The following EFS variants were observed in gnomAD, a reference collection of about 807,000 sequenced individuals.
The protein encoded by EFS is Cas scaffolding protein family member 3.
EFS carries 34 observed loss-of-function variants against 42.2 expected under a neutral mutation model. The ratio of observed to expected loss-of-function variants is 0.81; its 90% confidence interval spans 0.61 to 1.07. The LOEUF (loss-of-function observed/expected upper bound fraction) is 1.07, where lower values mean the gene tolerates loss of function less well. Ranked by LOEUF, EFS falls within the 50% of genes least tolerant of loss-of-function variation. The pLI is 0.00. For missense variants in EFS, 717 were observed against 729.4 expected, an observed-to-expected ratio of 0.98 and a Z score of 0.20; for synonymous variants, 299 against 320.7, an observed-to-expected ratio of 0.93 and a Z score of 0.72.
In EFS at chr14:23,360,211, G is replaced by A. The variant is rs760920243; in HGVS notation, c.368C>T (p.Ser123Phe). 6.2e-7 allele frequency: 1 copy of A among 1,614,192 alleles called. No individual in the cohort carries two copies. Among genetic ancestry groups the A allele is most frequent in the Admixed American group, 1.7e-5 (1 of 60,016 alleles). ...GGGGATTTTGTAGATGAGGTCAGGA[G>A]AGGGTGGGCAAGGTCCAGCTGGAGG... ...SGPPAGPCPP[S>F]PDLIYKIPRA... is the part of the protein sequence containing the mutation. Residue 123 changes from serine (S) to phenylalanine (F), a missense_variant, in exon 3 of 6, where the codon TCT (serine) becomes TTT (phenylalanine). Physicochemically the swap from Ser to Phe is radical, Grantham distance 155. Coordinates refer to ENST00000216733, the MANE Select transcript of EFS (RefSeq NM_005864.4).
Position 23,360,009 on chromosome 14 carries a change from C to T in EFS, c.469G>A (p.Val157Met), listed in dbSNP as rs770233097. The change falls in exon 4 of 6, where the codon GTG becomes ATG. Residue 157 changes from valine (V) to methionine (M), a missense_variant. Coordinates refer to ENST00000216733, the MANE Select transcript of EFS (RefSeq NM_005864.4). ...VYDVPPTALR[V>M]PSSGPYDCPA... ...CAGTCATAGGGGCCACTGGAGGGCA[C>T]CCGGAGGGCGGTGGGGGGCACATCG... 1.2e-6 allele frequency: 2 copies of T among 1,605,744 alleles called. No homozygotes were observed. The highest frequency in any genetic ancestry group is 8.5e-7 in the Non-Finnish European group (1 of 1,176,582).
At chr14:23,359,263 CTCCCCTTGG>C in intron 4 of EFS, 45 bp downstream of exon 4, 1 of 1,610,338 alleles carries the variant, frequency 6.2e-7, no homozygotes, top group Non-Finnish European at 8.5e-7. Flanking sequence ...CTCCACACCC[CTCCCCTTGG>C]TCCCTCTGGG....
rs1327695852 is a variant in EFS at position 23,360,819 on chromosome 14, C to T, written c.33G>A (p.Arg11=). The T allele has an allele frequency of 8.1e-6, 13 of 1,610,366 alleles. No homozygotes were observed. Among genetic ancestry groups the T allele is most frequent in the Non-Finnish European group, 1.0e-5 (12 of 1,178,256 alleles). Residue 11 remains arginine (R), a synonymous_variant, in exon 2 of 6, where the codon CGG becomes CGA. Transcript: ENST00000216733. MAIATSTQLA[R]ALYDNTAESP... The stretch of plus-strand genomic sequence containing the variant: ...ACTCAGCGGTGTTGTCATACAGTGC[C>T]CGGGCCAGCTGGGTCTGGTTGGGGA...
chr14:23,357,819 T>G (rs1889979598), intron 5 of EFS, among the ~76,000 whole-genome samples, 159 bp from the exon 6 acceptor site: 1 of 152,220 alleles, frequency 6.6e-6, no homozygotes, highest in Non-Finnish European at 1.5e-5. Flanking sequence ...AGCAGTGAAG[T>G]GCCCACACTT....
chr14:23,358,750 G>A (rs911453345), intron 5 of EFS, 126 bp downstream of exon 5: 2 of 819,596 alleles, frequency 2.4e-6, no homozygotes, highest in Non-Finnish European at 1.8e-6. Flanking sequence ...CTCTGTCCCT[G>A]GTTCCTGTGA....
chr14:23,358,818 A>G (rs906369437), intron 5 of EFS, 58 bp downstream of exon 5: 31 of 1,476,840 alleles, frequency 2.1e-5, no homozygotes, highest in Non-Finnish European at 2.8e-5. Context: ...TTCTTCTCCC[A>G]AGTCCCCATT....
chr14:23,356,508 T>A lies in EFS; in HGVS notation c.*718A>T. Reference sequence around the variant, plus strand: ...TTGCAGAACTGTGCCTGGCGCGTCATGGGAGCAGAGAACTTGTCCAGTGAA... The same window carrying A: ...TTGCAGAACTGTGCCTGGCGCGTCAAGGGAGCAGAGAACTTGTCCAGTGAA... On this transcript the variant is annotated 3_prime_UTR_variant, in exon 6 of 6. Transcript: ENST00000216733. 6.6e-6 allele frequency: 1 copy of A among 152,228 alleles called. No homozygotes were observed. Among genetic ancestry groups the A allele is most frequent in the Non-Finnish European group, 1.5e-5 (1 of 68,050 alleles). The allele number at this position is 152,228 out of a possible 1,614,324, so 9.4% of individuals were successfully genotyped here.
Position 23,360,288 on chromosome 14 carries a change from G to T in EFS, c.298-7C>A, listed in dbSNP as rs201955372. ...GGGGCGGCACCACATACACCTGAGG[G>T]ATCAAATAGATGGGGGGTCAGGAGG... On this transcript the variant is annotated splice_polypyrimidine_tract_variant and splice_region_variant and intron_variant, in intron 2 of 5. Coordinates refer to ENST00000216733, the MANE Select transcript of EFS (RefSeq NM_005864.4). 2.4e-5 allele frequency: 38 copies of T among 1,603,860 alleles called. No individual in the cohort carries two copies. In the East Asian group the frequency reaches 7.6e-4, roughly 32 times the overall value.
At chr14:23,360,994 C>T (rs1382632097) in intron 1 of EFS, among the ~76,000 whole-genome samples, 161 bp from the exon 2 acceptor site, 1 of 152,242 alleles carries the variant, frequency 6.6e-6, no homozygotes, top group Non-Finnish European at 1.5e-5. Flanking sequence ...TCCAGCTTCA[C>T]CGCTTGCATT....
chr14:23,362,817 C>A (rs1313110499), intron 1 of EFS, among the ~76,000 whole-genome samples: 1 of 152,140 alleles, frequency 6.6e-6, no homozygotes. Flanking sequence ...ACAATCATAA[C>A]TCACTGTAAC....
In EFS at chr14:23,357,237, G is replaced by A. The variant is rs763890715; in HGVS notation, c.1675C>T (p.Leu559=). ...ALQFTTLLTS[L]AP The stretch of plus-strand genomic sequence containing the variant: ...GTGCCAAAGGACCTTCATGGAGCCA[G>A]GCTAGTGAGCAGGGTAGTGAATTGC... Residue 559 remains leucine (L), a synonymous_variant, in exon 6 of 6, where the codon CTG becomes TTG. Transcript: ENST00000216733. 164 of 1,550,098 alleles carry A rather than the reference G, an allele frequency of 1.1e-4. 2 individuals are homozygous for A. The Admixed American group carries it at 2.9e-3, about 28-fold the overall frequency.
At chr14:23,360,974 C>T (rs1305149206) in intron 1 of EFS, 141 bp from the exon 2 acceptor site, 22 of 858,304 alleles carry the variant, frequency 2.6e-5, no homozygotes, top group South Asian at 2.2e-4. Context: ...TGCCTGGGCC[C>T]TAGCTTCTCT....
chr14:23,365,070 T>C lies in EFS; in HGVS notation c.-45A>G. 1 of 1,281,870 alleles carries C rather than the reference T, an allele frequency of 7.8e-7. No individual in the cohort carries two copies. The highest frequency in any genetic ancestry group is 1.5e-5 in the African/African-American group (1 of 65,666). 79.4% of individuals were successfully genotyped at this position (1,281,870 alleles called of 1,614,324 possible). On this transcript the variant is annotated 5_prime_UTR_variant, in exon 1 of 6. Transcript: ENST00000216733. This position sits in a 1 kb window ranked among gnomAD's most constrained non-coding sequence, Gnocchi z 5.3. Reference sequence around the variant, plus strand: ...GCCTGCCTCAGGCCAGGCTCGGTTTTGCTGACTTCAGCGGTGGCTGCCCCG... The same window carrying C: ...GCCTGCCTCAGGCCAGGCTCGGTTTCGCTGACTTCAGCGGTGGCTGCCCCG...
intron 1 of EFS, among the ~76,000 whole-genome samples, chr14:23,361,309 C>A (rs934792888): frequency 1.2e-4 from 18 of 152,228 alleles, no homozygotes; most frequent in African/African-American, 4.3e-4. Flanking sequence ...CATAGACCTT[C>A]TCTCTGTTCC....
chr14:23,363,400 G>A (rs1890218643), intron 1 of EFS, among the ~76,000 whole-genome samples: 1 of 152,220 alleles, frequency 6.6e-6, no homozygotes. Flanking sequence ...GCGCAGCACA[G>A]GGCCAGGTGC....
chr14:23,359,651 T>A lies in EFS; in HGVS notation c.827A>T (p.Asp276Val), dbSNP rs766654837. 1.3e-6 allele frequency: 2 copies of A among 1,507,504 alleles called. No individual in the cohort carries two copies. Among genetic ancestry groups the A allele is most frequent in the African/African-American group, 2.8e-5 (2 of 70,624 alleles). The allele number at this position is 1,507,504 out of a possible 1,614,324, so 93.4% of individuals were successfully genotyped here. Residue 276 changes from aspartate to valine, a missense_variant, in exon 4 of 6, where the codon GAC becomes GTC. Coordinates refer to ENST00000216733, the MANE Select transcript of EFS (RefSeq NM_005864.4). ...PEPPGALASH[D>V]QDTLAQLLAR... Reference sequence around the variant, plus strand: ...CAGAAGCTGGGCCAGGGTGTCCTGGTCATGGGAGGCCAAGGCTCCAGGGGG... The same window carrying A: ...CAGAAGCTGGGCCAGGGTGTCCTGGACATGGGAGGCCAAGGCTCCAGGGGG...
intron 1 of EFS, among the ~76,000 whole-genome samples, chr14:23,364,169 T>G (rs1890245017): frequency 6.6e-6 from 1 of 152,156 alleles, no homozygotes; most frequent in Non-Finnish European, 1.5e-5. Context: ...CTGCATAGAC[T>G]GTAGAACAGA....
intron 4 of EFS, 46 bp from the exon 5 acceptor site, chr14:23,359,011 C>A: frequency 6.5e-7 from 1 of 1,530,920 alleles, no homozygotes; most frequent in Non-Finnish European, 8.8e-7. Flanking sequence ...GGGAGCAGGA[C>A]GGGGTGGCCT....
At chr14:23,358,093 A>AT (rs1004296785) in intron 5 of EFS, among the ~76,000 whole-genome samples, 2 of 152,152 alleles carry the variant, frequency 1.3e-5, no homozygotes, top group Admixed American at 6.5e-5. Flanking sequence ...AATTATTGAG[A>AT]TTTTTCCCAT....
Sources: gnomAD v4.1 joint callset for allele counts (sites outside exome capture counted in the v4.1 genomes callset) on GRCh38, gnomAD v4.1.1 for gene constraint, Gnocchi (gnomAD v3.1) non-coding constraint, MANE v1.5 for transcripts, NCBI Gene and HGNC (gene_info 2026-07-23, HGNC 2026-07-21) for gene names.